RAVER2: variants seen among roughly 807,000 people sequenced by gnomAD.
The protein encoded by RAVER2 is ribonucleoprotein, PTB binding 2.
A neutral mutation model predicts 78.1 loss-of-function variants in RAVER2; 46 were observed. That is an observed-to-expected ratio of 0.59 (90% CI 0.46 to 0.75). The LOEUF is 0.75. Among genes scored for constraint, RAVER2 ranks in the 30% least tolerant of loss-of-function variants. The pLI is 0.00. For missense variants in RAVER2, 793 were observed against 837.5 expected (o/e 0.95, Z 0.66); for synonymous variants, 311 against 313.3 (o/e 0.99, Z 0.08).
At chr1:64,825,912 T>C (rs918776888) in intron 11 of RAVER2, among the ~76,000 whole-genome samples, 3 of 152,174 alleles carry the variant, frequency 2.0e-5, no homozygotes, top group Non-Finnish European at 4.4e-5. Context: ...GTGCAAAAGA[T>C]TGGATTGGTG....
chr1:64,760,436 A>T (rs1311134234), intron 1 of RAVER2, among the ~76,000 whole-genome samples: 1 of 152,090 alleles, frequency 6.6e-6, no homozygotes, highest in African/African-American at 2.4e-5. Flanking sequence ...GGGGAGAGAG[A>T]TGGTAGCTAA....
At chr1:64,789,545 A>G in intron 5 of RAVER2, 31 bp downstream of exon 5, 3 of 1,396,974 alleles carry the variant, frequency 2.1e-6, no homozygotes, top group Non-Finnish European at 2.8e-6. Context: ...CTGATTAATT[A>G]AAGAATGCTA....
At chr1:64,795,927 G>GT (rs1181712214) in intron 5 of RAVER2, among the ~76,000 whole-genome samples, 2 of 151,558 alleles carry the variant, frequency 1.3e-5, no homozygotes, top group Non-Finnish European at 3.0e-5. Flanking sequence ...CTTAGCTAGA[G>GT]TTTTTTTTCA....
At chr1:64,756,949 C>T (rs1412420046) in intron 1 of RAVER2, among the ~76,000 whole-genome samples, 2 of 152,192 alleles carry the variant, frequency 1.3e-5, no homozygotes, top group African/African-American at 4.8e-5. Context: ...GGTGAAGTAG[C>T]TTCTGATGAC....
At chr1:64,762,892 G>C (rs977750948) in intron 1 of RAVER2, among the ~76,000 whole-genome samples, 1 of 152,140 alleles carries the variant, frequency 6.6e-6, no homozygotes, top group Admixed American at 6.5e-5. Context: ...ATGGGACTTT[G>C]GCAAAATTAA....
chr1:64,781,526 G>T lies in RAVER2; in HGVS notation c.933G>T (p.Ala311=), dbSNP rs202141314. The change falls in exon 4 of 12, where the codon GCG becomes GCT. Residue 311 remains alanine (A), a synonymous_variant. Coordinates refer to ENST00000294428, the Ensembl canonical transcript of RAVER2. The stretch of plus-strand genomic sequence containing the variant: ...AGGTTTCCTTCTGTGCTCCTGGAGC[G>T]CCAGGGCGAAGTACATTAGCAGCAT... 3 of 1,614,088 alleles carry T rather than the reference G, an allele frequency of 1.9e-6. No homozygotes were observed. The African/African-American group carries it at 4.0e-5, about 22-fold the overall frequency.
intron 1 of RAVER2, among the ~76,000 whole-genome samples, chr1:64,765,503 G>A (rs1038598701): frequency 6.6e-6 from 1 of 152,172 alleles, no homozygotes; most frequent in African/African-American, 2.4e-5. Context: ...TCAAGGCACA[G>A]AAGTTTAAAA....
At chr1:64,760,699 GA>G (rs1469386759) in intron 1 of RAVER2, among the ~76,000 whole-genome samples, 1 of 152,084 alleles carries the variant, frequency 6.6e-6, no homozygotes, top group African/African-American at 2.4e-5. Context: ...GATGCAATGA[GA>G]TTTCTACCTG....
chr1:64,780,867 A>G (rs1197232101), intron 3 of RAVER2, among the ~76,000 whole-genome samples: 2 of 152,210 alleles, frequency 1.3e-5, no homozygotes, highest in Non-Finnish European at 1.5e-5. Flanking sequence ...GTTTTCCTAA[A>G]TAAGGTTTGC....
intron 1 of RAVER2, among the ~76,000 whole-genome samples, chr1:64,754,094 A>T (rs1210038073): frequency 6.6e-6 from 1 of 152,132 alleles, no homozygotes; most frequent in Non-Finnish European, 1.5e-5. Flanking sequence ...CAGGCACCAT[A>T]CTTAGAGTTG....
rs56179197 is a variant in RAVER2 at position 64,824,932 on chromosome 1, C to CAAAAAAAAAAAAAAAAAAA, written c.1930-5898_1930-5880dup. On this transcript the variant is annotated intron_variant, in intron 11 of 11. Coordinates refer to ENST00000294428, the Ensembl canonical transcript of RAVER2. ...GGCAACAGAGCGAGACCCTGTCTCC[C>CAAAAAAAAAAAAAAAAAAA]AAAAAAAAAAAAAAAAAAAAAAAAA... Among the ~76,000 whole-genome samples, 190 of 79,388 alleles carry CAAAAAAAAAAAAAAAAAAA rather than the reference C, an allele frequency of 2.4e-3. 10 individuals carry two copies. The highest frequency in any genetic ancestry group is 7.5e-3 in the African/African-American group (96 of 12,880). The allele number at this position is 79,388 out of a possible 152,430, so 52.1% of individuals were successfully genotyped here. A position where few individuals can be genotyped will look rare whatever the true frequency, so the allele number is the denominator to read the frequency against.
intron 1 of RAVER2, among the ~76,000 whole-genome samples, chr1:64,756,667 G>A (rs1357197888): frequency 6.6e-6 from 1 of 152,008 alleles, no homozygotes; most frequent in Non-Finnish European, 1.5e-5. Flanking sequence ...ATCAACACTG[G>A]CATATTATTT....
At chr1:64,794,998 T>C (rs565220858) in intron 5 of RAVER2, among the ~76,000 whole-genome samples, 10 of 152,230 alleles carry the variant, frequency 6.6e-5, no homozygotes, top group African/African-American at 2.2e-4. Flanking sequence ...TAGTTTGTAG[T>C]ATGAGGTAAG....
intron 1 of RAVER2, among the ~76,000 whole-genome samples, chr1:64,755,944 T>C (rs1343035366): frequency 6.6e-6 from 1 of 152,088 alleles, no homozygotes; most frequent in Non-Finnish European, 1.5e-5. Context: ...ATGTATGTCC[T>C]ACAAACTAGG....
At chr1:64,827,555 A>G (rs984655253) in intron 11 of RAVER2, among the ~76,000 whole-genome samples, 2 of 152,316 alleles carry the variant, frequency 1.3e-5, no homozygotes, top group Middle Eastern at 3.4e-3. Context: ...ATTGTGTTTG[A>G]TTTCCACCTG....
chr1:64,786,817 G>A (rs1034686239), intron 4 of RAVER2, among the ~76,000 whole-genome samples: 1 of 151,914 alleles, frequency 6.6e-6, no homozygotes, highest in African/African-American at 2.4e-5. Context: ...ATACTATTTT[G>A]TTTTTTAGTC....
chr1:64,757,242 G>A (rs1017992577), intron 1 of RAVER2, among the ~76,000 whole-genome samples: 3 of 152,186 alleles, frequency 2.0e-5, no homozygotes, highest in African/African-American at 7.2e-5. Flanking sequence ...CCTAGAATCA[G>A]CCATTTCATG....
At chr1:64,801,212 C>T (rs1417815861) in intron 5 of RAVER2, among the ~76,000 whole-genome samples, 1 of 151,738 alleles carries the variant, frequency 6.6e-6, no homozygotes, top group African/African-American at 2.4e-5. Flanking sequence ...AGTTCTCCTG[C>T]CTCTGCCTCC....
chr1:64,832,463 AGTTT>A (rs937556976), exon 12 of RAVER2: 1 of 152,542 alleles, frequency 6.6e-6, no homozygotes, highest in Non-Finnish European at 1.5e-5. Flanking sequence ...GAAATTTCTA[AGTTT>A]GTTTATGTTA....
Sources: allele counts gnomAD v4.1 joint callset (sites outside exome capture counted in the v4.1 genomes callset), GRCh38; gene constraint gnomAD v4.1.1; transcripts MANE v1.5; gene names NCBI Gene and HGNC (gene_info 2026-07-23, HGNC 2026-07-21).